The following TSHZ1 variants were observed in gnomAD, a reference collection of about 807,000 sequenced individuals.
TSHZ1 encodes teashirt zinc finger homeobox 1, also known as teashirt homolog 1.
TSHZ1 carries 12 observed loss-of-function variants against 67.1 expected under a neutral mutation model. The observed-to-expected ratio is 0.18, with a 90% CI of 0.11 to 0.29. The LOEUF is 0.29. Among genes scored for constraint, TSHZ1 ranks in the 10% least tolerant of loss-of-function variants. TSHZ1 has a pLI of 1.00. For missense variants in TSHZ1, 1,305 were observed against 1,413.9 expected (o/e 0.92, Z 1.23); for synonymous variants, 632 against 622.4 (o/e 1.02, Z -0.23).
chr18:75,224,955 G>A (rs989767345), intron 1 of TSHZ1, among the ~76,000 whole-genome samples: 1 of 152,108 alleles, frequency 6.6e-6, no homozygotes, highest in African/African-American at 2.4e-5. Flanking sequence ...CTGAGTTGGA[G>A]GAAGTCGCCG....
chr18:75,213,560 G>A (rs988119031), intron 1 of TSHZ1, among the ~76,000 whole-genome samples: 1 of 152,102 alleles, frequency 6.6e-6, no homozygotes, highest in Non-Finnish European at 1.5e-5. Flanking sequence ...TAAAATTGCG[G>A]TGAATATTTC....
chr18:75,218,013 C>G (rs926971439), intron 1 of TSHZ1, among the ~76,000 whole-genome samples: 1 of 152,162 alleles, frequency 6.6e-6, no homozygotes, highest in Non-Finnish European at 1.5e-5. Context: ...TTTGTGTAAT[C>G]AAGCCCTAAT....
At chr18:75,241,968 A>G (rs911306165) in intron 1 of TSHZ1, among the ~76,000 whole-genome samples, 4 of 148,524 alleles carry the variant, frequency 2.7e-5, no homozygotes, top group Non-Finnish European at 5.9e-5. Flanking sequence ...CCCCAGCTTA[A>G]CTAATTATAT....
chr18:75,238,687 A>G (rs964977807), intron 1 of TSHZ1, among the ~76,000 whole-genome samples: 1 of 152,142 alleles, frequency 6.6e-6, no homozygotes, highest in African/African-American at 2.4e-5. Context: ...CTTAAGAAAA[A>G]AGTACAAAAT....
rs1251526571 is a variant in TSHZ1, at chr18:75,286,658, G to A, written c.1251G>A (p.Lys417=). The A allele has an allele frequency of 1.9e-6, 3 of 1,614,124 alleles. No individual in the cohort carries two copies. Among genetic ancestry groups the A allele is most frequent in the Non-Finnish European group, 2.5e-6 (3 of 1,180,054 alleles). ...QFEARKAQIL[K]CMECGSSHDT... is the part of the protein sequence containing the mutation. Reference sequence around the variant, plus strand: ...AGGCCCGCAAGGCGCAGATCCTCAAGTGCATGGAGTGTGGCAGCTCCCACG... The same window carrying A: ...AGGCCCGCAAGGCGCAGATCCTCAAATGCATGGAGTGTGGCAGCTCCCACG... Residue 417 remains lysine (K), a synonymous_variant, in exon 2 of 2, where the codon AAG becomes AAA. Transcript: ENST00000580243. This position sits in a 1 kb window ranked among gnomAD's most constrained non-coding sequence, Gnocchi z 5.1.
At chr18:75,284,878 A>G (rs73482000) in intron 1 of TSHZ1, 40,523 of 152,326 alleles carry the variant, frequency 0.27, 6,175 homozygotes, top group Middle Eastern at 0.34. Context: ...TGGCAGCCCC[A>G]TGCGGGTGGC....
chr18:75,250,530 C>T lies in TSHZ1; in HGVS notation c.41-34918C>T, dbSNP rs539352181. On this transcript the variant is annotated intron_variant, in intron 1 of 1. Transcript: ENST00000580243. ...GGGCGGTGCGGGCTGGCCCAGGGTC[C>T]GGGGTGCCTGCAGCGTGCTGGGCCA... Among the ~76,000 whole-genome samples the T allele has an allele frequency of 3.3e-5, 5 of 152,244 alleles. No individual in the cohort carries two copies. In the South Asian group the frequency reaches 1.0e-3, roughly 32 times the overall value.
intron 1 of TSHZ1, 37 bp downstream of exon 1, chr18:75,211,953 G>A (rs1417926191): frequency 1.7e-6 from 2 of 1,201,490 alleles, no homozygotes; most frequent in African/African-American, 1.6e-5. Flanking sequence ...GGGAGTGGGC[G>A]CCGGGAGGAG....
chr18:75,288,602 G>A lies in TSHZ1; in HGVS notation c.3195G>A (p.Glu1065=). Residue 1065 remains glutamate, a synonymous_variant, in exon 2 of 2, where the codon GAG becomes GAA. Transcript: ENST00000580243. The surrounding 1 kb of genome is among the most constrained non-coding windows in gnomAD (Gnocchi z 4.9). ...GTAAGACCCACGGCAAGTCTCCCGAGGACCACCTGATCTATGTGACTGAGT... is the reference window on the plus strand; with the variant it reads ...GTAAGACCCACGGCAAGTCTCCCGAAGACCACCTGATCTATGTGACTGAGT... ...HLSKTHGKSP[E]DHLIYVTELE... 5 of 1,610,604 alleles carry A rather than the reference G, an allele frequency of 3.1e-6. 1 individual carries two copies. The South Asian group carries it at 5.5e-5, about 18-fold the overall frequency.
At chr18:75,257,261 A>G (rs1204294992) in intron 1 of TSHZ1, among the ~76,000 whole-genome samples, 1 of 152,202 alleles carries the variant, frequency 6.6e-6, no homozygotes, top group Non-Finnish European at 1.5e-5. Context: ...AATTCATTTG[A>G]AACATTTACC....
At chr18:75,254,302 A>G (rs1262318890) in intron 1 of TSHZ1, among the ~76,000 whole-genome samples, 1 of 152,260 alleles carries the variant, frequency 6.6e-6, no homozygotes, top group Admixed American at 6.5e-5. Flanking sequence ...ATGCTTTAAT[A>G]TGATAATACA....
At position 75,288,715 on chromosome 18, in the gene TSHZ1, C is replaced by G; in HGVS notation, c.*74C>G. 6.6e-7 allele frequency: 1 copy of G among 1,509,660 alleles called. No individual in the cohort carries two copies. The highest frequency in any genetic ancestry group is 1.4e-5 in the African/African-American group (1 of 71,658). The allele number at this position is 1,509,660 out of a possible 1,614,324, so 93.5% of individuals were successfully genotyped here. A position where few individuals can be genotyped will look rare whatever the true frequency, so the allele number is the denominator to read the frequency against. On this transcript the variant is annotated 3_prime_UTR_variant, in exon 2 of 2. Transcript: ENST00000580243. This position sits in a 1 kb window ranked among gnomAD's most constrained non-coding sequence, Gnocchi z 4.9. ...GCTGCACTAGGCCTGGCCTGAGCCT[C>G]TGAAATCAGTCTTTCCTTTGTTGCT...
intron 1 of TSHZ1, among the ~76,000 whole-genome samples, chr18:75,239,759 C>T (rs2023129577): frequency 6.6e-6 from 1 of 152,192 alleles, no homozygotes; most frequent in Admixed American, 6.5e-5. Flanking sequence ...CTTTCTTGGC[C>T]TCCCAAAATG....
chr18:75,259,475 C>G (rs943231492), intron 1 of TSHZ1, among the ~76,000 whole-genome samples: 7 of 152,136 alleles, frequency 4.6e-5, no homozygotes, highest in African/African-American at 1.7e-4. Context: ...ACACAAATCA[C>G]CCCTTTGCCC....
At chr18:75,231,839 A>G (rs368841162) in intron 1 of TSHZ1, among the ~76,000 whole-genome samples, 1 of 151,708 alleles carries the variant, frequency 6.6e-6, no homozygotes, top group East Asian at 2.0e-4. Context: ...TGCCTGGCCC[A>G]CTCTGCGATT....
rs367840361 is a variant in TSHZ1 at position 75,263,526 on chromosome 18, T to G, written c.41-21922T>G. On this transcript the variant is annotated intron_variant, in intron 1 of 1. Transcript: ENST00000580243. ...CCTAACTCTTAACATAATTAAATTA[T>G]GTACTTATCAGTTAAGGAACTGGTT... 9.2e-5 allele frequency among the ~76,000 whole-genome samples: 14 copies of G among 152,344 alleles called. No individual in the cohort carries two copies. The East Asian group carries it at 1.9e-3, about 21-fold the overall frequency.
intron 1 of TSHZ1, among the ~76,000 whole-genome samples, chr18:75,276,864 A>G (rs1394597158): frequency 6.6e-6 from 1 of 152,236 alleles, no homozygotes; most frequent in African/African-American, 2.4e-5. Context: ...TCACTTTTGA[A>G]CATCCATTCG....
Position 75,285,750 on chromosome 18 carries a change from C to A in TSHZ1, c.343C>A (p.Gln115Lys). The A allele has an allele frequency of 6.2e-7, 1 of 1,614,112 alleles. No homozygotes were observed. Among genetic ancestry groups the A allele is most frequent in the Non-Finnish European group, 8.5e-7 (1 of 1,180,012 alleles). The stretch of plus-strand genomic sequence containing the variant: ...CTCGTACCCCCAGGACAGCCTGGCA[C>A]AGATCAAAGCTGTGTATGCAAACTT... ...SVSYPQDSLA[Q>K]IKAVYANLFS... The change falls in exon 2 of 2, where the codon CAG (glutamine) becomes AAG (lysine). Residue 115 changes from glutamine (Q) to lysine (K), a missense_variant. Coordinates refer to ENST00000580243, the MANE Select transcript of TSHZ1 (RefSeq NM_001308210.2).
chr18:75,288,418 C>T lies in TSHZ1; in HGVS notation c.3011C>T (p.Pro1004Leu). ...AGCCTGAAGGATCTCTCCAAGCTGCCACTCAATCAGATTCAAGAACAGCAG... is the reference window on the plus strand; with the variant it reads ...AGCCTGAAGGATCTCTCCAAGCTGCTACTCAATCAGATTCAAGAACAGCAG... ...GFSLKDLSKL[P>L]LNQIQEQQNV... Residue 1004 changes from proline (P) to leucine (L), a missense_variant, in exon 2 of 2, where the codon CCA (proline) becomes CTA (leucine). This residue lies in a region of TSHZ1 where 909 missense variants were observed against 961.8 expected (regional missense o/e 0.95). Transcript: ENST00000580243. This position sits in a 1 kb window ranked among gnomAD's most constrained non-coding sequence, Gnocchi z 4.9. The T allele has an allele frequency of 6.2e-7, 1 of 1,614,220 alleles. No homozygotes were observed. Among genetic ancestry groups the T allele is most frequent in the Non-Finnish European group, 8.5e-7 (1 of 1,180,038 alleles).
Sources: allele counts gnomAD v4.1 joint callset (sites outside exome capture counted in the v4.1 genomes callset), GRCh38; gene constraint gnomAD v4.1.1; regional missense constraint gnomAD v4.1.1; non-coding constraint Gnocchi (gnomAD v3.1); transcripts MANE v1.5; gene names NCBI Gene and HGNC (gene_info 2026-07-23, HGNC 2026-07-21).